Variants in PTPRQ observed in about 807,000 individuals in gnomAD.
PTPRQ encodes the protein phosphatidylinositol phosphatase PTPRQ.
In PTPRQ, 199 loss-of-function variants were observed where a neutral mutation model predicts 246.0. The ratio of observed to expected loss-of-function variants is 0.81; its 90% confidence interval spans 0.72 to 0.91. PTPRQ has a LOEUF of 0.91. Among genes scored for constraint, PTPRQ ranks in the 40% least tolerant of loss-of-function variants. The pLI is 0.00. For synonymous variants in PTPRQ, 869 were observed against 853.2 expected (o/e 1.02, Z -0.32); for missense variants, 2,624 against 2,528.4 (o/e 1.04, Z -0.81).
chr12:80,484,363 G>A, intron 8 of PTPRQ, 70 bp from the exon 9 acceptor site: 1 of 1,466,160 alleles, frequency 6.8e-7, no homozygotes, highest in Non-Finnish European at 9.1e-7. Context: ...TAAGAATTTA[G>A]GCACTTTTTT....
intron 33 of PTPRQ, among the ~76,000 whole-genome samples, chr12:80,626,699 A>G (rs1899213966): frequency 6.6e-6 from 1 of 152,156 alleles, no homozygotes; most frequent in Admixed American, 6.6e-5. Flanking sequence ...TAACCACTGC[A>G]CACACTACCT....
At chr12:80,594,774 GTTTA>G (rs573062610) in intron 26 of PTPRQ, among the ~76,000 whole-genome samples, 163 of 152,142 alleles carry the variant, frequency 1.1e-3, no homozygotes, top group Non-Finnish European at 1.7e-3. Context: ...TCTTGTATTT[GTTTA>G]TTTTTCTTTT....
chr12:80,618,386 A>T (rs963663375), intron 30 of PTPRQ, among the ~76,000 whole-genome samples: 2 of 150,608 alleles, frequency 1.3e-5, no homozygotes, highest in African/African-American at 4.9e-5. Flanking sequence ...ACACACACAC[A>T]CACACACACA....
Position 80,471,516 on chromosome 12 carries a change from C to T in PTPRQ, c.1040-589C>T, listed in dbSNP as rs1266881959. 9.3e-5 allele frequency among the ~76,000 whole-genome samples: 2 copies of T among 21,478 alleles called. 1 individual carries two copies. The highest frequency in any genetic ancestry group is 1.8e-4 in the Non-Finnish European group (2 of 11,220). 14.1% of individuals were successfully genotyped at this position (21,478 alleles called of 152,430 possible). On this transcript the variant is annotated intron_variant, in intron 7 of 44. Transcript: ENST00000644991. ...TATTTGAGACAGAGTCTCGCTCTGT[C>T]GCCCAGGCTGGAGTGCAGTGGCGGG...
intron 34 of PTPRQ, among the ~76,000 whole-genome samples, chr12:80,633,049 T>A (rs1263904273): frequency 6.6e-6 from 1 of 152,098 alleles, no homozygotes; most frequent in Admixed American, 6.6e-5. Context: ...TCTAGTGCCC[T>A]CTATTGACAA....
chr12:80,622,118 C>T lies in PTPRQ; in HGVS notation c.5670C>T (p.Asp1890=). The change falls in exon 33 of 45, where the codon GAC becomes GAT. Residue 1890 remains aspartate (D), a synonymous_variant. Transcript: ENST00000644991. ...AATTTACTGACTCTGATTATTCTGA[C>T]CCTGTTAAGACTTTAGGTAAGACAT... ...MGQFTDSDYS[D]PVKTLGEGLS... is the part of the protein sequence containing the mutation. 1 of 1,441,952 alleles carries T rather than the reference C, an allele frequency of 6.9e-7. No homozygotes were observed. The highest frequency in any genetic ancestry group is 9.2e-7 in the Non-Finnish European group (1 of 1,092,400). The allele number at this position is 1,441,952 out of a possible 1,614,324, so 89.3% of individuals were successfully genotyped here.
intron 23 of PTPRQ, among the ~76,000 whole-genome samples, chr12:80,544,208 C>G (rs1896238334): frequency 6.6e-6 from 1 of 152,072 alleles, no homozygotes; most frequent in South Asian, 2.1e-4. Flanking sequence ...ATGGGAGTTA[C>G]AAAGATGTGT....
At chr12:80,485,243 TC>T (rs1169387297) in intron 9 of PTPRQ, among the ~76,000 whole-genome samples, 1 of 152,212 alleles carries the variant, frequency 6.6e-6, no homozygotes, top group Non-Finnish European at 1.5e-5. Flanking sequence ...CACTGATTTT[TC>T]TTTCCACTGT....
intron 6 of PTPRQ, chr12:80,462,391 C>T (rs1291092641): frequency 1.0e-5 from 2 of 191,784 alleles, no homozygotes; most frequent in African/African-American, 4.8e-5. Context: ...CCCACCACAG[C>T]TCAAGGAGGC....
chr12:80,495,939 G>C, intron 12 of PTPRQ, 60 bp from the exon 13 acceptor site: 2 of 1,510,732 alleles, frequency 1.3e-6, no homozygotes, highest in South Asian at 1.3e-5. Context: ...ATATTAAATG[G>C]CACCAATCCC....
chr12:80,493,986 A>G (rs1894531280), intron 10 of PTPRQ, among the ~76,000 whole-genome samples: 2 of 152,002 alleles, frequency 1.3e-5, no homozygotes, highest in South Asian at 4.1e-4. Context: ...GTGGCAAATT[A>G]AAAATACTCA....
At chr12:80,500,407 G>T (rs545719392) in intron 14 of PTPRQ, among the ~76,000 whole-genome samples, 1 of 152,028 alleles carries the variant, frequency 6.6e-6, no homozygotes, top group South Asian at 2.1e-4. Flanking sequence ...TCCAGCACTA[G>T]TTATTCCCTA....
Position 80,445,493 on chromosome 12 carries a change from C to CCAGG in PTPRQ, c.167_170dup (p.Pro58ArgfsTer25). On this transcript the variant is annotated frameshift_variant, in exon 3 of 45. Coordinates refer to ENST00000644991, the MANE Select transcript of PTPRQ (RefSeq NM_001145026.2). LOFTEE classifies it high-confidence loss of function. ...CAAAATGGATTTTTTAAAAATAGAA[C>CCAGG]CAGGGCCTCCAGTCTTCCTAGCCGG... 6.6e-7 allele frequency: 1 copy of CCAGG among 1,522,614 alleles called. No individual in the cohort carries two copies. Among genetic ancestry groups the CCAGG allele is most frequent in the Non-Finnish European group, 8.8e-7 (1 of 1,135,532 alleles). 94.3% of individuals were successfully genotyped at this position (1,522,614 alleles called of 1,614,324 possible).
chr12:80,610,649 CT>C, intron 28 of PTPRQ, 24 bp downstream of exon 28: 1 of 1,537,866 alleles, frequency 6.5e-7, no homozygotes, highest in Non-Finnish European at 8.8e-7. Flanking sequence ...CTCAACCTTG[CT>C]AAAAATTGAC....
chr12:80,582,456 C>T lies in PTPRQ; in HGVS notation c.4286-5673C>T, dbSNP rs559054033. Among the ~76,000 whole-genome samples, 7 of 152,242 alleles carry T rather than the reference C, an allele frequency of 4.6e-5. No homozygotes were observed. The South Asian group carries it at 1.4e-3, about 32-fold the overall frequency. ...GATGCTATTAGAAGGTGAGGCCTTT[C>T]AGAGGTAATTAGGTCATTAGGGTAG... On this transcript the variant is annotated intron_variant, in intron 25 of 44. Coordinates refer to ENST00000644991, the MANE Select transcript of PTPRQ (RefSeq NM_001145026.2).
Position 80,680,239 on chromosome 12 carries a change from A to G in PTPRQ, c.*1216A>G, listed in dbSNP as rs910843404. On this transcript the variant is annotated 3_prime_UTR_variant, in exon 45 of 45. Transcript: ENST00000644991. Reference sequence around the variant, plus strand: ...TTCCGCTGGAACATATATATATAAGAAATGCTATGGCCAATAAAATTGAAT... The same window carrying G: ...TTCCGCTGGAACATATATATATAAGGAATGCTATGGCCAATAAAATTGAAT... The G allele has an allele frequency of 2.0e-5, 3 of 151,524 alleles. No individual in the cohort carries two copies. Among genetic ancestry groups the G allele is most frequent in the African/African-American group, 7.2e-5 (3 of 41,380 alleles). The allele number at this position is 151,524 out of a possible 1,614,324, so 9.4% of individuals were successfully genotyped here. A position where few individuals can be genotyped will look rare whatever the true frequency, so the allele number is the denominator to read the frequency against.
intron 3 of PTPRQ, among the ~76,000 whole-genome samples, chr12:80,450,886 G>T (rs536189830): frequency 1.3e-5 from 2 of 152,188 alleles, no homozygotes; most frequent in Admixed American, 6.5e-5. Flanking sequence ...GATGATGCTG[G>T]CCTCATAAAA....
At chr12:80,455,964 T>C (rs1892969307) in intron 3 of PTPRQ, among the ~76,000 whole-genome samples, 2 of 152,220 alleles carry the variant, frequency 1.3e-5, no homozygotes, top group South Asian at 2.1e-4. Context: ...AAAGATGAGC[T>C]TATAAAAAGC....
intron 3 of PTPRQ, among the ~76,000 whole-genome samples, chr12:80,449,950 T>C (rs923750607): frequency 1.3e-5 from 2 of 152,228 alleles, no homozygotes; most frequent in African/African-American, 4.8e-5. Context: ...GCATAGAATC[T>C]ATAAATTACC....
Sources: allele counts gnomAD v4.1 joint callset (sites outside exome capture counted in the v4.1 genomes callset), GRCh38; gene constraint gnomAD v4.1.1; transcripts MANE v1.5; gene names NCBI Gene and HGNC (gene_info 2026-07-23, HGNC 2026-07-21).